NCAM2: variants seen among roughly 807,000 people sequenced by gnomAD.
NCAM2 encodes the protein neural cell adhesion molecule 2, also known as N-CAM-2.
In NCAM2, 30 loss-of-function variants were observed where a neutral mutation model predicts 98.1. That is an observed-to-expected ratio of 0.31 (90% confidence interval 0.23 to 0.41). The LOEUF (loss-of-function observed/expected upper bound fraction) is 0.41, where lower values mean the gene tolerates loss of function less well. Among genes scored for constraint, NCAM2 ranks in the 10% least tolerant of loss-of-function variants. The pLI is 1.00. For missense variants in NCAM2, 867 were observed against 1,005.8 expected, an observed-to-expected ratio of 0.86 and a Z score of 1.87; for synonymous variants, 368 against 342.4, an observed-to-expected ratio of 1.07 and a Z score of -0.83.
chr21:21,129,953 G>A (rs1388993664), intron 1 of NCAM2, among the ~76,000 whole-genome samples: 1 of 151,826 alleles, frequency 6.6e-6, no homozygotes, highest in African/African-American at 2.4e-5. Context: ...TTTTTGCCTG[G>A]GATATTACTT....
intron 1 of NCAM2, among the ~76,000 whole-genome samples, chr21:21,159,406 T>G (rs940146737): frequency 6.6e-6 from 1 of 152,158 alleles, no homozygotes; most frequent in African/African-American, 2.4e-5. Flanking sequence ...ACTCACTCAC[T>G]GACTCACTCT....
At chr21:21,155,598 C>A (rs952249074) in intron 1 of NCAM2, among the ~76,000 whole-genome samples, 1 of 151,666 alleles carries the variant, frequency 6.6e-6, no homozygotes, top group Non-Finnish European at 1.5e-5. Context: ...ATAATGTAAT[C>A]TTGGAGTTAA....
chr21:21,334,890 A>T (rs1235171570), intron 6 of NCAM2, among the ~76,000 whole-genome samples: 11 of 152,104 alleles, frequency 7.2e-5, no homozygotes, highest in Admixed American at 7.2e-4. Context: ...ATTATTTGGG[A>T]CTAAGAGGAA....
At chr21:21,287,024 A>G (rs1308813880) in intron 4 of NCAM2, among the ~76,000 whole-genome samples, 1 of 151,942 alleles carries the variant, frequency 6.6e-6, no homozygotes, top group African/African-American at 2.4e-5. Flanking sequence ...ATAGAAAAGT[A>G]CTTTCATTCA....
chr21:21,040,170 G>A (rs867951104), intron 1 of NCAM2, among the ~76,000 whole-genome samples: 23 of 152,024 alleles, frequency 1.5e-4, no homozygotes, highest in Admixed American at 3.9e-4. Context: ...TTAGAAAGAG[G>A]GAAAAAACTG....
intron 1 of NCAM2, among the ~76,000 whole-genome samples, chr21:21,185,626 A>G (rs1035701769): frequency 2.0e-5 from 3 of 152,172 alleles, no homozygotes; most frequent in Non-Finnish European, 1.5e-5. Flanking sequence ...GTGTTGTAGT[A>G]TCACCCAGCT....
rs1025009256 is a variant in NCAM2 at position 21,342,688 on chromosome 21, C to T, written c.1044+4154C>T. Among the ~76,000 whole-genome samples, 11 of 152,212 alleles carry T rather than the reference C, an allele frequency of 7.2e-5. No individual in the cohort carries two copies. In the East Asian group the frequency reaches 1.7e-3, roughly 24 times the overall value. Reference sequence around the variant, plus strand: ...ATTGGTTACAAACAAATTATAAGGTCGCCCAAATCCAACATGAGAGGAATT... The same window carrying T: ...ATTGGTTACAAACAAATTATAAGGTTGCCCAAATCCAACATGAGAGGAATT... On this transcript the variant is annotated intron_variant, in intron 8 of 17. Transcript: ENST00000400546.
chr21:21,015,777 C>T (rs959921983), intron 1 of NCAM2, among the ~76,000 whole-genome samples: 2 of 152,158 alleles, frequency 1.3e-5, no homozygotes, highest in African/African-American at 2.4e-5. Context: ...GATCTCGGCT[C>T]ACTGCAACCT....
At chr21:21,064,037 G>A (rs2065380062) in intron 1 of NCAM2, among the ~76,000 whole-genome samples, 1 of 152,164 alleles carries the variant, frequency 6.6e-6, no homozygotes, top group African/African-American at 2.4e-5. Flanking sequence ...GGTGATTCTT[G>A]CCAAAGAATT....
chr21:21,183,866 ATT>A (rs1457124550), intron 1 of NCAM2, among the ~76,000 whole-genome samples: 2 of 152,116 alleles, frequency 1.3e-5, no homozygotes, highest in African/African-American at 4.8e-5. Context: ...CGAAAAAAAA[ATT>A]AAAAGAAAAA....
At chr21:21,050,581 A>G (rs1429997232) in intron 1 of NCAM2, among the ~76,000 whole-genome samples, 4 of 152,150 alleles carry the variant, frequency 2.6e-5, no homozygotes, top group Non-Finnish European at 5.9e-5. Context: ...TCCTGCCAGA[A>G]TGGAAGATGT....
chr21:21,297,291 A>G (rs1240325158), intron 5 of NCAM2, among the ~76,000 whole-genome samples: 2 of 151,710 alleles, frequency 1.3e-5, no homozygotes, highest in Non-Finnish European at 2.9e-5. Flanking sequence ...TCAGTATTCT[A>G]TTTTCAGTTA....
intron 1 of NCAM2, among the ~76,000 whole-genome samples, chr21:21,247,687 C>T (rs1288613467): frequency 2.0e-5 from 3 of 152,050 alleles, no homozygotes; most frequent in Non-Finnish European, 2.9e-5. Context: ...TACAGTATTA[C>T]GTTTAAAGGT....
At chr21:21,385,427 C>T (rs1401085293) in intron 9 of NCAM2, among the ~76,000 whole-genome samples, 1 of 147,122 alleles carries the variant, frequency 6.8e-6, no homozygotes, top group Non-Finnish European at 1.5e-5. Flanking sequence ...CACACAATTA[C>T]CAGAACAGTC....
intron 1 of NCAM2, among the ~76,000 whole-genome samples, chr21:21,004,523 G>A (rs369624734): frequency 1.7e-4 from 26 of 152,194 alleles, no homozygotes; most frequent in African/African-American, 5.8e-4. Flanking sequence ...ATTTGCATGT[G>A]TGTGGAAAAT....
intron 1 of NCAM2, among the ~76,000 whole-genome samples, chr21:21,170,628 A>G (rs1215228401): frequency 6.6e-6 from 1 of 152,146 alleles, no homozygotes; most frequent in Non-Finnish European, 1.5e-5. Context: ...TCTGTTTGAT[A>G]CTTCAGAGGC....
chr21:21,078,298 A>C (rs961077787), intron 1 of NCAM2, among the ~76,000 whole-genome samples: 1 of 152,240 alleles, frequency 6.6e-6, no homozygotes. Context: ...AAGATAAATT[A>C]GTTCATTTTA....
chr21:21,135,174 A>G (rs1025510851), intron 1 of NCAM2, among the ~76,000 whole-genome samples: 2 of 145,384 alleles, frequency 1.4e-5, no homozygotes, highest in African/African-American at 5.0e-5. Context: ...TGAACCAGGG[A>G]GGCGGAGTTT....
At chr21:21,367,621 G>C (rs886465231) in intron 8 of NCAM2, among the ~76,000 whole-genome samples, 26 of 151,834 alleles carry the variant, frequency 1.7e-4, no homozygotes, top group Non-Finnish European at 5.9e-5. Context: ...GAAATAGATG[G>C]GTGTATGAAA....
Sources: gnomAD v4.1 joint callset for allele counts (sites outside exome capture counted in the v4.1 genomes callset) on GRCh38, gnomAD v4.1.1 for gene constraint, MANE v1.5 for transcripts, NCBI Gene and HGNC (gene_info 2026-07-23, HGNC 2026-07-21) for gene names.